The following SALL2 variants were observed in gnomAD, a reference collection of about 807,000 sequenced individuals.
SALL2 encodes the protein sal-like protein 2.
SALL2 carries 32 observed loss-of-function variants against 58.5 expected under a neutral mutation model. That is an observed-to-expected ratio of 0.55 (90% CI 0.41 to 0.74). The LOEUF (loss-of-function observed/expected upper bound fraction) is 0.74. SALL2 is among the 30% of genes least tolerant of loss of function. The pLI, the probability that SALL2 is intolerant of heterozygous loss-of-function variation, is 0.00. For missense variants in SALL2, 1,201 were observed against 1,268.9 expected (o/e 0.95, Z 0.81); for synonymous variants, 516 against 513.6 (o/e 1.00, Z -0.06).
In SALL2 at chr14:21,525,440, A is replaced by G. The variant is rs1275458148; in HGVS notation, c.282T>C (p.His94=). 2 of 1,613,876 alleles carry G rather than the reference A, an allele frequency of 1.2e-6. No individual in the cohort carries two copies. ...HNNPQVMDTE[H]SNPPDSGSSV... is the part of the protein sequence containing the mutation. ...AGGACCCAGAATCTGGGGGGTTGCT[A>G]TGCTCTGTGTCCATGACCTGAGGAT... Residue 94 remains histidine (H), a synonymous_variant, in exon 2 of 2, where the codon CAT becomes CAC. Transcript: ENST00000537235. The surrounding 1 kb of genome is among the most constrained non-coding windows in gnomAD (Gnocchi z 4.4).
chr14:21,536,302 C>T (rs1157945849), intron 1 of SALL2, among the ~76,000 whole-genome samples: 2 of 152,200 alleles, frequency 1.3e-5, no homozygotes, highest in East Asian at 1.9e-4. Flanking sequence ...CCAGGTGACA[C>T]GCATACACAC....
In SALL2 at chr14:21,523,501, A is replaced by T. The variant is rs1482488449; in HGVS notation, c.2221T>A (p.Ser741Thr). Residue 741 changes from serine to threonine, a missense_variant, in exon 2 of 2, where the codon TCC becomes ACC. By Grantham distance (58) the Ser-to-Thr change is moderately conservative (BLOSUM62 1). Transcript: ENST00000537235. This position sits in a 1 kb window ranked among gnomAD's most constrained non-coding sequence, Gnocchi z 4.4. ...TGCTGGGGGAAACTCCGTGCCCCGG[A>T]GACTGTAGATTGCTCGGAGCCATTC... ...QENGSEQSTV[S>T]GARSFPQQQS... 2.5e-6 allele frequency: 4 copies of T among 1,613,982 alleles called. No homozygotes were observed. The Admixed American group carries it at 6.7e-5, about 27-fold the overall frequency.
In SALL2 at chr14:21,523,850, G is replaced by A. The variant is rs184163992; in HGVS notation, c.1872C>T (p.Ala624=). The A allele has an allele frequency of 1.3e-5, 21 of 1,614,230 alleles. No homozygotes were observed. In the African/African-American group the frequency reaches 2.7e-4, roughly 20 times the overall value. The change falls in exon 2 of 2, where the codon GCC becomes GCT. Residue 624 remains alanine, a synonymous_variant. Coordinates refer to ENST00000537235, the MANE Select transcript of SALL2 (RefSeq NM_001364564.1). The surrounding 1 kb of genome is among the most constrained non-coding windows in gnomAD (Gnocchi z 4.4). ...TTSAPAPSSS[A]SSGPNQCVIC... ...TGACACACTGGTTAGGTCCAGAAGA[G>A]GCTGAGGATGAAGGTGCAGGGGCAG...
At chr14:21,526,445 G>C (rs530830165), upstream of SALL2, 12 of 1,330,716 alleles carry the variant, frequency 9.0e-6, no homozygotes, top group South Asian at 1.2e-4. Context: ...GCGGGGGCGT[G>C]GGGGCGGGAG....
chr14:21,527,412 G>A (rs1892351365), upstream of SALL2, among the ~76,000 whole-genome samples: 1 of 151,896 alleles, frequency 6.6e-6, no homozygotes, highest in African/African-American at 2.4e-5. Context: ...ACCTTGAAAT[G>A]AGTCTTAAAG....
In SALL2 at chr14:21,522,079, T is replaced by C. The variant is rs1189582647; in HGVS notation, c.*625A>G. ...GGAGGCTGAAATAGGAGGGGGGCTG[T>C]CTTCTCCTTGGCTTCCCTGGATCCC... On this transcript the variant is annotated 3_prime_UTR_variant, in exon 2 of 2. Coordinates refer to ENST00000537235, the MANE Select transcript of SALL2 (RefSeq NM_001364564.1). 1.3e-6 allele frequency: 2 copies of C among 1,597,710 alleles called. No individual in the cohort carries two copies. The highest frequency in any genetic ancestry group is 2.2e-5 in the South Asian group (2 of 90,830).
At chr14:21,532,815 T>TA (rs1470142689) in intron 1 of SALL2, among the ~76,000 whole-genome samples, 1 of 151,614 alleles carries the variant, frequency 6.6e-6, no homozygotes, top group Non-Finnish European at 1.5e-5. Flanking sequence ...TATAAAAAAT[T>TA]AGCCAGGTGT....
chr14:21,532,444 TG>T lies in SALL2; in HGVS notation c.-114+4517del, dbSNP rs1373219979. Among the ~76,000 whole-genome samples, 4 of 151,880 alleles carry T rather than the reference TG, an allele frequency of 2.6e-5. No individual in the cohort carries two copies. In the East Asian group the frequency reaches 7.7e-4, roughly 29 times the overall value. On this transcript the variant is annotated intron_variant, in intron 1 of 1. Transcript: ENST00000541965. Reference sequence around the variant, plus strand: ...TGCCACTGAATTGTACACTTAAAAATGGTTAAAATGGTAAATTTTATTACAC... The same window carrying T: ...TGCCACTGAATTGTACACTTAAAAATGTTAAAATGGTAAATTTTATTACAC...
rs939312307 is a variant in SALL2, at chr14:21,523,832, C to T, written c.1890G>A (p.Gln630=). 1.9e-6 allele frequency: 3 copies of T among 1,614,054 alleles called. No individual in the cohort carries two copies. In the African/African-American group the frequency reaches 4.0e-5, roughly 22 times the overall value. ...PSSSASSGPN[Q]CVICLRVLSC... The stretch of plus-strand genomic sequence containing the variant: ...TAAGCACTCGGAGACAGATGACACA[C>T]TGGTTAGGTCCAGAAGAGGCTGAGG... The change falls in exon 2 of 2, where the codon CAG becomes CAA. Residue 630 remains glutamine, a synonymous_variant. Transcript: ENST00000537235. This position sits in a 1 kb window ranked among gnomAD's most constrained non-coding sequence, Gnocchi z 4.4.
chr14:21,523,979 C>A lies in SALL2; in HGVS notation c.1743G>T (p.Gly581=). 6.2e-7 allele frequency: 1 copy of A among 1,614,154 alleles called. No individual in the cohort carries two copies. The highest frequency in any genetic ancestry group is 8.5e-7 in the Non-Finnish European group (1 of 1,180,036). ...FPFPYVLEPL[G]ASPSETSKLQ... ...GCTTTGATGTCTCAGAGGGTGAGGC[C>A]CCCAAGGGCTCTAGCACATAGGGGA... is the stretch of plus-strand genomic sequence containing the variant. Residue 581 remains glycine (G), a synonymous_variant, in exon 2 of 2, where the codon GGG becomes GGT. Coordinates refer to ENST00000537235, the MANE Select transcript of SALL2 (RefSeq NM_001364564.1). This position sits in a 1 kb window ranked among gnomAD's most constrained non-coding sequence, Gnocchi z 4.4.
Position 21,525,936 on chromosome 14 carries a change from T to C in SALL2, c.67+125A>G, listed in dbSNP as rs190475378. On this transcript the variant is annotated intron_variant, in intron 1 of 1. Transcript: ENST00000537235. The surrounding 1 kb of genome is among the most constrained non-coding windows in gnomAD (Gnocchi z 4.4). Reference sequence around the variant, plus strand: ...CCAGGCCACAAGCGAGTTCACGGAATAGGTGTGGGGACAGGGGCCTACGCA... The same window carrying C: ...CCAGGCCACAAGCGAGTTCACGGAACAGGTGTGGGGACAGGGGCCTACGCA... 1.4e-4 allele frequency: 137 copies of C among 978,184 alleles called. No homozygotes were observed. The East Asian group carries it at 1.7e-3, about 12-fold the overall frequency. The allele number at this position is 978,184 out of a possible 1,614,324, so 60.6% of individuals were successfully genotyped here.
intron 1 of SALL2, among the ~76,000 whole-genome samples, chr14:21,534,205 G>T (rs1390036934): frequency 6.6e-6 from 1 of 152,136 alleles, no homozygotes; most frequent in Non-Finnish European, 1.5e-5. Context: ...AGGAATTTTA[G>T]ATACGATCAA....
In SALL2 at chr14:21,526,293, G is replaced by A. The variant is rs1166083723; in HGVS notation, c.-166C>T. 1 of 1,438,778 alleles carries A rather than the reference G, an allele frequency of 7.0e-7. No individual in the cohort carries two copies. The highest frequency in any genetic ancestry group is 2.8e-5 in the Admixed American group (1 of 36,098). The allele number at this position is 1,438,778 out of a possible 1,614,324, so 89.1% of individuals were successfully genotyped here. A position where few individuals can be genotyped will look rare whatever the true frequency, so the allele number is the denominator to read the frequency against. On this transcript the variant is annotated 5_prime_UTR_variant, in exon 1 of 2. Coordinates refer to ENST00000537235, the MANE Select transcript of SALL2 (RefSeq NM_001364564.1). ...CAGGGAGCAGCGGCGGAGGGGGAGG[G>A]GAGCGAGGAGGCGGGGAGAAGCTGG...
intron 1 of SALL2, among the ~76,000 whole-genome samples, chr14:21,536,514 G>A (rs1043810079): frequency 3.3e-5 from 5 of 152,194 alleles, no homozygotes; most frequent in Non-Finnish European, 7.3e-5. Flanking sequence ...CGGTCTTCAG[G>A]TCTGAGGACG....
upstream of SALL2, among the ~76,000 whole-genome samples, chr14:21,528,081 G>A (rs934322763): frequency 2.0e-5 from 3 of 151,790 alleles, no homozygotes; most frequent in Non-Finnish European, 4.4e-5. Flanking sequence ...GAGGTTGCAG[G>A]GGGCTGAGAT....
intron 1 of SALL2, among the ~76,000 whole-genome samples, chr14:21,532,511 T>A (rs1319248035): frequency 1.3e-5 from 2 of 151,644 alleles, no homozygotes; most frequent in African/African-American, 4.9e-5. Flanking sequence ...TGTGGTGGCA[T>A]GCACCTGTAA....
chr14:21,522,955 C>T lies in SALL2; in HGVS notation c.2767G>A (p.Ala923Thr), dbSNP rs925105687. Residue 923 changes from alanine to threonine, a missense_variant, in exon 2 of 2, where the codon GCT becomes ACT. Physicochemically the swap from Ala to Thr is moderately conservative, Grantham distance 58 (BLOSUM62 0). Coordinates refer to ENST00000537235, the MANE Select transcript of SALL2 (RefSeq NM_001364564.1). ...VCGQAFPSQA[A>T]LEEHQKTHPK... The stretch of plus-strand genomic sequence containing the variant: ...TGGGTCTTCTGATGCTCCTCCAGAG[C>T]TGCCTGGGAGGGAAAGGCCTGGCCA... 1.9e-6 allele frequency: 3 copies of T among 1,614,120 alleles called. No individual in the cohort carries two copies. The highest frequency in any genetic ancestry group is 1.7e-4 in the Middle Eastern group (1 of 6,054).
Position 21,525,633 on chromosome 14 carries a change from T to C in SALL2, c.89A>G (p.His30Arg). Residue 30 changes from histidine to arginine, a missense_variant, in exon 2 of 2, where the codon CAC (histidine) becomes CGC (arginine). By Grantham distance (29) the His-to-Arg change is conservative. Around this residue, in one of 3 missense-constraint regions of SALL2, gnomAD observed 467 missense variants for 468.9 expected, o/e 1.00. Transcript: ENST00000537235. The surrounding 1 kb of genome is among the most constrained non-coding windows in gnomAD (Gnocchi z 4.4). ...ELGGDASEED[H>R]PQVCAKCCAQ... ...GCAGCACTTGGCACAGACTTGGGGG[T>C]GATCCTCCTCGCTAGCATCACCTGG... is the stretch of plus-strand genomic sequence containing the variant. 1 of 1,584,270 alleles carries C rather than the reference T, an allele frequency of 6.3e-7. No individual in the cohort carries two copies. The highest frequency in any genetic ancestry group is 8.6e-7 in the Non-Finnish European group (1 of 1,162,952).
chr14:21,527,165 A>C (rs1892343380), upstream of SALL2, among the ~76,000 whole-genome samples: 1 of 152,174 alleles, frequency 6.6e-6, no homozygotes, highest in Non-Finnish European at 1.5e-5. Context: ...GCTAGCCTGC[A>C]GAGGCCTACG....
Sources: allele counts gnomAD v4.1 joint callset (sites outside exome capture counted in the v4.1 genomes callset), GRCh38; gene constraint gnomAD v4.1.1; regional missense constraint gnomAD v4.1.1; non-coding constraint Gnocchi (gnomAD v3.1); transcripts MANE v1.5; gene names NCBI Gene and HGNC (gene_info 2026-07-23, HGNC 2026-07-21).